Variants in DLGAP1 observed in about 807,000 individuals in gnomAD.
The protein encoded by DLGAP1 is disks large-associated protein 1.
A neutral mutation model predicts 90.8 loss-of-function variants in DLGAP1; 11 were observed. The ratio of observed to expected loss-of-function variants is 0.12; its 90% CI spans 0.08 to 0.20. DLGAP1 has a LOEUF of 0.20. Ranked by LOEUF, DLGAP1 falls within the 10% of genes least tolerant of loss-of-function variation. The probability of loss-of-function intolerance (pLI) is 1.00; values close to 1 mark genes in which losing one functional copy is unlikely to be tolerated. For synonymous variants in DLGAP1, 558 were observed against 540.7 expected (o/e 1.03, Z -0.44); for missense variants, 1,050 against 1,333.8 (o/e 0.79, Z 3.31).
chr18:3,645,218 G>A (rs577793379), intron 7 of DLGAP1, among the ~76,000 whole-genome samples: 53 of 152,158 alleles, frequency 3.5e-4, no homozygotes, highest in Admixed American at 3.3e-4. Context: ...TGAGCCTCCC[G>A]AGTAGCTGGG....
intron 3 of DLGAP1, among the ~76,000 whole-genome samples, chr18:3,912,101 T>A (rs1400871190): frequency 6.6e-6 from 1 of 152,210 alleles, no homozygotes; most frequent in Non-Finnish European, 1.5e-5. Flanking sequence ...AACAAAGGAT[T>A]TATTCTTCTT....
At chr18:4,145,981 A>C (rs2076580005) in intron 2 of DLGAP1, among the ~76,000 whole-genome samples, 1 of 152,072 alleles carries the variant, frequency 6.6e-6, no homozygotes, top group South Asian at 2.1e-4. Flanking sequence ...TGTAGATAAA[A>C]AAAAATGCTG....
At chr18:4,223,612 T>C (rs2144990286) in intron 1 of DLGAP1, among the ~76,000 whole-genome samples, 1 of 152,318 alleles carries the variant, frequency 6.6e-6, no homozygotes, top group Middle Eastern at 3.4e-3. Flanking sequence ...AATCTCAAGA[T>C]TATGTAACAA....
intron 3 of DLGAP1, among the ~76,000 whole-genome samples, chr18:3,939,738 A>G (rs1310799166): frequency 6.6e-6 from 1 of 152,076 alleles, no homozygotes; most frequent in Non-Finnish European, 1.5e-5. Context: ...ATTGAGATAA[A>G]AGGAATAATA....
intron 1 of DLGAP1, among the ~76,000 whole-genome samples, chr18:4,394,597 T>C (rs1447700504): frequency 6.6e-6 from 1 of 152,208 alleles, no homozygotes; most frequent in Non-Finnish European, 1.5e-5. Flanking sequence ...ATAATTAGCC[T>C]AGTTAATTAT....
intron 7 of DLGAP1, among the ~76,000 whole-genome samples, chr18:3,709,099 A>T (rs1401217872): frequency 6.6e-6 from 1 of 152,212 alleles, no homozygotes; most frequent in Non-Finnish European, 1.5e-5. Flanking sequence ...CCGTGGAAAA[A>T]ACATAGTCCT....
At chr18:4,443,527 A>G (rs67745885) in intron 1 of DLGAP1, among the ~76,000 whole-genome samples, 46,565 of 152,096 alleles carry the variant, frequency 0.31, 7,374 homozygotes, top group African/African-American at 0.31. Flanking sequence ...TATTTAGTTT[A>G]CAGAAAATGG....
At chr18:3,815,483 T>G (rs1254133230) in intron 4 of DLGAP1, among the ~76,000 whole-genome samples, 3 of 152,204 alleles carry the variant, frequency 2.0e-5, no homozygotes, top group Non-Finnish European at 2.9e-5. Context: ...ATTGCTTGAC[T>G]TACCTGGTGT....
chr18:3,556,936 CTTAG>C (rs575392784), intron 9 of DLGAP1, among the ~76,000 whole-genome samples: 273 of 152,258 alleles, frequency 1.8e-3, no homozygotes, highest in Non-Finnish European at 3.2e-3. Flanking sequence ...TGTCTTCTCT[CTTAG>C]TTAGCCTAGT....
chr18:4,254,937 G>A (rs1234473028), intron 1 of DLGAP1, among the ~76,000 whole-genome samples: 1 of 152,178 alleles, frequency 6.6e-6, no homozygotes, highest in Non-Finnish European at 1.5e-5. Context: ...ACAGAATGGA[G>A]TTCAATGGAA....
intron 4 of DLGAP1, among the ~76,000 whole-genome samples, chr18:3,867,920 T>C (rs747558971): frequency 1.3e-5 from 2 of 152,188 alleles, no homozygotes; most frequent in Non-Finnish European, 2.9e-5. Flanking sequence ...TCTTTTTCCA[T>C]GCAGTGATTG....
chr18:4,361,388 T>C (rs1432194072), intron 1 of DLGAP1, among the ~76,000 whole-genome samples: 1 of 152,156 alleles, frequency 6.6e-6, no homozygotes, highest in African/African-American at 2.4e-5. Context: ...AACATTGTGG[T>C]ACTGGCATAA....
At chr18:4,148,900 A>G (rs1347582708) in intron 2 of DLGAP1, among the ~76,000 whole-genome samples, 1 of 152,172 alleles carries the variant, frequency 6.6e-6, no homozygotes, top group Non-Finnish European at 1.5e-5. Flanking sequence ...TTTATTTTCA[A>G]TCTGTTTAAT....
intron 1 of DLGAP1, among the ~76,000 whole-genome samples, chr18:4,169,165 C>T (rs1258995937): frequency 6.6e-6 from 1 of 152,160 alleles, no homozygotes; most frequent in African/African-American, 2.4e-5. Flanking sequence ...TAAATTACCA[C>T]TTGCAATGCA....
chr18:3,594,926 C>T (rs2056490080), intron 7 of DLGAP1, among the ~76,000 whole-genome samples: 1 of 152,202 alleles, frequency 6.6e-6, no homozygotes, highest in South Asian at 2.1e-4. Context: ...TGCTGGCTTC[C>T]AGTTAGCCTA....
intron 7 of DLGAP1, among the ~76,000 whole-genome samples, chr18:3,600,779 T>C (rs2056891434): frequency 9.0e-6 from 1 of 110,626 alleles, no homozygotes; most frequent in Non-Finnish European, 1.7e-5. Flanking sequence ...TATATAGATA[T>C]ATAGATATAT....
chr18:4,221,344 A>G (rs1006840306), intron 1 of DLGAP1, among the ~76,000 whole-genome samples: 7 of 152,116 alleles, frequency 4.6e-5, no homozygotes, highest in African/African-American at 1.7e-4. Flanking sequence ...CCTCATTTAC[A>G]ATAAAAATAA....
chr18:4,448,940 T>C (rs967251987), intron 1 of DLGAP1, among the ~76,000 whole-genome samples: 1 of 152,186 alleles, frequency 6.6e-6, no homozygotes, highest in Middle Eastern at 3.2e-3. Context: ...ATCCCTGTGA[T>C]CTGATTTATT....
At chr18:4,277,352 A>ATG (rs373121213) in intron 1 of DLGAP1, among the ~76,000 whole-genome samples, 15 of 152,000 alleles carry the variant, frequency 9.9e-5, no homozygotes, top group South Asian at 6.2e-4. Flanking sequence ...CAAATGGAGA[A>ATG]TGTGTGTGTG....
Sources: gnomAD v4.1 joint callset for allele counts (sites outside exome capture counted in the v4.1 genomes callset) on GRCh38, gnomAD v4.1.1 for gene constraint, MANE v1.5 for transcripts, NCBI Gene and HGNC (gene_info 2026-07-23, HGNC 2026-07-21) for gene names.